The following CSMD1 variants were observed in gnomAD, a reference collection of about 807,000 sequenced individuals.
CSMD1 encodes the protein CUB and sushi domain-containing protein 1.
CSMD1 carries 213 observed loss-of-function variants against 417.5 expected under a neutral mutation model. That is an observed-to-expected ratio of 0.51 (90% confidence interval 0.46 to 0.57). The LOEUF is 0.57. CSMD1 is among the 20% of genes least tolerant of loss of function. The pLI, the probability that CSMD1 is intolerant of heterozygous loss-of-function variation, is 0.00. For missense variants in CSMD1, 6,923 were observed against 4,529.7 expected (o/e 1.53, Z -15.17); for synonymous variants, 2,862 against 1,736.8 (o/e 1.65, Z -16.11).
At chr8:4,715,840 G>C (rs1043483040) in intron 1 of CSMD1, among the ~76,000 whole-genome samples, 1 of 152,124 alleles carries the variant, frequency 6.6e-6, no homozygotes, top group East Asian at 1.9e-4. Context: ...AACCAAAGTG[G>C]ACTTTGCTTG....
chr8:3,743,485 C>G (rs1584933498), intron 6 of CSMD1, among the ~76,000 whole-genome samples: 2 of 152,128 alleles, frequency 1.3e-5, no homozygotes, highest in African/African-American at 2.4e-5. Context: ...ACTTAGAAGA[C>G]TGGAAAAAGT....
At chr8:4,478,645 A>C (rs1421703969) in intron 2 of CSMD1, among the ~76,000 whole-genome samples, 1 of 152,194 alleles carries the variant, frequency 6.6e-6, no homozygotes, top group African/African-American at 2.4e-5. Flanking sequence ...GGAAACTATA[A>C]ATTTTCTAAT....
intron 5 of CSMD1, among the ~76,000 whole-genome samples, chr8:3,821,285 A>G (rs1025998484): frequency 2.0e-5 from 3 of 152,356 alleles, no homozygotes; most frequent in Non-Finnish European, 2.9e-5. Flanking sequence ...TAGGAAATAC[A>G]TTAACCAGCA....
rs747938568 is a variant in CSMD1 at position 4,739,353 on chromosome 8, T to C, written c.86-101795A>G. Among the ~76,000 whole-genome samples, 63 of 152,346 alleles carry C rather than the reference T, an allele frequency of 4.1e-4. 1 individual carries two copies. The highest frequency in any genetic ancestry group is 5.9e-4 in the Admixed American group (9 of 15,310). ...ATTTTATGGAGGAATTTTACCTTAC[T>C]GTAAACTTCACAAATGTTCAGCTCA... On this transcript the variant is annotated intron_variant, in intron 1 of 69. Transcript: ENST00000635120.
chr8:3,360,474 G>C (rs1809088583), intron 20 of CSMD1, among the ~76,000 whole-genome samples: 1 of 152,156 alleles, frequency 6.6e-6, no homozygotes, highest in South Asian at 2.1e-4. Context: ...GTGCCTATTT[G>C]TTTGGTTTCC....
intron 10 of CSMD1, among the ~76,000 whole-genome samples, chr8:3,561,135 A>G (rs936510328): frequency 1.3e-5 from 2 of 152,228 alleles, no homozygotes; most frequent in Non-Finnish European, 2.9e-5. Context: ...TTAAAATGTC[A>G]AACAATAACA....
intron 1 of CSMD1, among the ~76,000 whole-genome samples, chr8:4,968,270 G>A (rs1721105935): frequency 1.3e-5 from 2 of 151,678 alleles, no homozygotes; most frequent in South Asian, 2.1e-4. Context: ...TAACTACAAA[G>A]TCTGCCAATT....
At chr8:4,821,666 A>G (rs1563495681) in intron 1 of CSMD1, among the ~76,000 whole-genome samples, 2 of 152,176 alleles carry the variant, frequency 1.3e-5, no homozygotes, top group African/African-American at 4.8e-5. Context: ...AAAGGAAATG[A>G]TGACTCTGAT....
At chr8:3,077,607 C>G (rs1247272640) in intron 49 of CSMD1, among the ~76,000 whole-genome samples, 1 of 152,348 alleles carries the variant, frequency 6.6e-6, no homozygotes, top group East Asian at 1.9e-4. Flanking sequence ...TCAGCTATCT[C>G]TACCTTAAGA....
At chr8:3,493,067 G>A (rs926793273) in intron 11 of CSMD1, among the ~76,000 whole-genome samples, 1 of 152,056 alleles carries the variant, frequency 6.6e-6, no homozygotes, top group Non-Finnish European at 1.5e-5. Context: ...GCTGAAGTGG[G>A]CAAATCACCA....
intron 3 of CSMD1, among the ~76,000 whole-genome samples, chr8:4,368,383 G>A (rs1214267438): frequency 6.6e-6 from 1 of 152,022 alleles, no homozygotes; most frequent in African/African-American, 2.4e-5. Flanking sequence ...GCTGGATTCA[G>A]TTTGCTGGTA....
At chr8:4,248,437 A>G (rs1017397334) in intron 3 of CSMD1, among the ~76,000 whole-genome samples, 2 of 152,200 alleles carry the variant, frequency 1.3e-5, no homozygotes, top group African/African-American at 2.4e-5. Context: ...CCACTTGAAC[A>G]TAAGATCCTA....
intron 1 of CSMD1, among the ~76,000 whole-genome samples, chr8:4,752,083 C>T (rs920180866): frequency 6.6e-6 from 1 of 151,644 alleles, no homozygotes; most frequent in Non-Finnish European, 1.5e-5. Flanking sequence ...ATATTCATGT[C>T]TGTGTGTGTG....
intron 2 of CSMD1, among the ~76,000 whole-genome samples, chr8:4,484,501 C>A (rs1037731350): frequency 1.3e-5 from 2 of 152,024 alleles, no homozygotes; most frequent in South Asian, 4.2e-4. Flanking sequence ...AACAGGGGAT[C>A]TTAAGCAAGT....
chr8:3,835,062 G>A (rs143763009), intron 5 of CSMD1, among the ~76,000 whole-genome samples: 2,347 of 151,592 alleles, frequency 0.015, 56 homozygotes, highest in African/African-American at 0.053. Flanking sequence ...AAAAAGTCAG[G>A]AAACAACAGG....
At chr8:4,049,034 C>G (rs1041062915) in intron 3 of CSMD1, among the ~76,000 whole-genome samples, 2 of 152,160 alleles carry the variant, frequency 1.3e-5, no homozygotes. Flanking sequence ...AGACTCACCA[C>G]CCATCTCAAC....
intron 2 of CSMD1, among the ~76,000 whole-genome samples, chr8:4,453,563 G>A (rs769873511): frequency 6.6e-6 from 1 of 152,162 alleles, no homozygotes; most frequent in South Asian, 2.1e-4. Flanking sequence ...TGGGCCACAT[G>A]ACTGGCTTAT....
intron 2 of CSMD1, among the ~76,000 whole-genome samples, chr8:4,564,760 G>A (rs921320640): frequency 1.3e-5 from 2 of 152,142 alleles, no homozygotes; most frequent in East Asian, 1.9e-4. Context: ...CATAATGACT[G>A]TCATCAAAAA....
chr8:4,112,321 T>C (rs1278797943), intron 3 of CSMD1, among the ~76,000 whole-genome samples: 1 of 152,148 alleles, frequency 6.6e-6, no homozygotes, highest in East Asian at 1.9e-4. Flanking sequence ...GACTCCACCC[T>C]GGCAACGGAC....
Sources: gnomAD v4.1 joint callset for allele counts (sites outside exome capture counted in the v4.1 genomes callset) on GRCh38, gnomAD v4.1.1 for gene constraint, MANE v1.5 for transcripts, NCBI Gene and HGNC (gene_info 2026-07-23, HGNC 2026-07-21) for gene names.